The following GNG7 variants were observed in gnomAD, a reference collection of about 807,000 sequenced individuals.
GNG7 encodes G protein subunit gamma 7.
In GNG7, 1 loss-of-function variant was observed where a neutral mutation model predicts 4.0. That is an observed-to-expected ratio of 0.25 (90% CI 0.09 to 1.18). The LOEUF (loss-of-function observed/expected upper bound fraction) is 1.18, where lower values mean the gene tolerates loss of function less well. Among genes scored for constraint, GNG7 ranks in the 50% most tolerant of loss-of-function variants. The pLI is 0.50. For synonymous variants in GNG7, 34 were observed against 36.9 expected (o/e 0.92, Z 0.29); for missense variants, 86 against 91.9 (o/e 0.94, Z 0.26).
intron 1 of GNG7, among the ~76,000 whole-genome samples, chr19:2,701,728 C>A (rs1326724402): frequency 2.7e-5 from 4 of 148,912 alleles, no homozygotes; most frequent in African/African-American, 5.0e-5. Context: ...CAGCTCCCTG[C>A]AAACCTCAAC....
chr19:2,574,008 C>T (rs1383721620), intron 2 of GNG7, among the ~76,000 whole-genome samples: 1 of 152,166 alleles, frequency 6.6e-6, no homozygotes, highest in Admixed American at 6.5e-5. Context: ...GGAGTTCTGC[C>T]GCCTCGGGGA....
intron 2 of GNG7, among the ~76,000 whole-genome samples, chr19:2,568,810 A>G (rs1980050028): frequency 7.1e-6 from 1 of 141,826 alleles, no homozygotes; most frequent in Non-Finnish European, 1.5e-5. Flanking sequence ...ACATATATAC[A>G]CACACATATA....
chr19:2,629,045 C>T (rs1456405616), intron 2 of GNG7, among the ~76,000 whole-genome samples: 1 of 152,134 alleles, frequency 6.6e-6, no homozygotes, highest in Non-Finnish European at 1.5e-5. Context: ...GACATGGTGG[C>T]CATTGCTGCT....
At position 2,661,262 on chromosome 19, in the gene GNG7, AAAG is replaced by A. The variant is rs1292884386; in HGVS notation, c.-134-14985_-134-14983del. On this transcript the variant is annotated intron_variant, in intron 1 of 4. Coordinates refer to ENST00000382159, the MANE Select transcript of GNG7 (RefSeq NM_052847.3). Reference sequence around the variant, plus strand: ...AAAGAAAGAAAAGAAAGAAAGAAAGAAAGAAAGAAAAGAAAGAAAGAAAGAAAG... The same window carrying A: ...AAAGAAAGAAAAGAAAGAAAGAAAGAAAAGAAAAGAAAGAAAGAAAGAAAG... Among the ~76,000 whole-genome samples the A allele has an allele frequency of 4.6e-3, 298 of 64,216 alleles. 6 individuals are homozygous for A. The highest frequency in any genetic ancestry group is 0.015 in the African/African-American group (217 of 14,066). 42.1% of individuals were successfully genotyped at this position (64,216 alleles called of 152,430 possible).
At chr19:2,519,855 A>G (rs535312893) in intron 4 of GNG7, among the ~76,000 whole-genome samples, 85 of 152,232 alleles carry the variant, frequency 5.6e-4, no homozygotes, top group African/African-American at 2.0e-3. Context: ...AAATCTCGAC[A>G]AGGCGCAGCC....
At chr19:2,523,783 G>T (rs4806862) in intron 3 of GNG7, among the ~76,000 whole-genome samples, 48,602 of 151,882 alleles carry the variant, frequency 0.32, 8,129 homozygotes, top group East Asian at 0.46. Flanking sequence ...TACATTCTTT[G>T]TTAGCACTGG....
At chr19:2,671,823 G>A (rs186983530) in intron 1 of GNG7, among the ~76,000 whole-genome samples, 51 of 151,488 alleles carry the variant, frequency 3.4e-4, no homozygotes, top group Admixed American at 2.8e-3. Flanking sequence ...AGGCCGAGGC[G>A]GGTGGATCAC....
intron 3 of GNG7, among the ~76,000 whole-genome samples, chr19:2,525,636 C>A (rs79088441): frequency 2.6e-5 from 4 of 152,102 alleles, no homozygotes; most frequent in Non-Finnish European, 4.4e-5. Flanking sequence ...CTGGCAGCAC[C>A]GGCAGGGAGG....
At chr19:2,543,208 C>T (rs977780746) in intron 3 of GNG7, among the ~76,000 whole-genome samples, 4 of 145,948 alleles carry the variant, frequency 2.7e-5, no homozygotes, top group Non-Finnish European at 4.5e-5. Flanking sequence ...TATGAGACGC[C>T]GTGCCTGGCC....
chr19:2,655,294 C>T (rs74493858), intron 1 of GNG7, among the ~76,000 whole-genome samples: 5,914 of 151,614 alleles, frequency 0.039, 210 homozygotes, highest in African/African-American at 0.089. Context: ...AATAAAGACA[C>T]GCAGGCAGCC....
At chr19:2,648,828 T>TAAGG (rs765449263) in intron 1 of GNG7, among the ~76,000 whole-genome samples, 16 of 150,574 alleles carry the variant, frequency 1.1e-4, no homozygotes, top group Non-Finnish European at 1.9e-4. Flanking sequence ...GCCCTCCACC[T>TAAGG]TGCAGGGCAG....
intron 2 of GNG7, among the ~76,000 whole-genome samples, chr19:2,627,552 T>C (rs1000171607): frequency 2.0e-4 from 30 of 152,208 alleles, no homozygotes; most frequent in Non-Finnish European, 1.5e-5. Context: ...CAGACCTGGC[T>C]TTCTGTCACT....
chr19:2,538,460 CAA>C (rs397859757), intron 3 of GNG7: 10,013 of 177,202 alleles, frequency 0.057, no homozygotes, highest in South Asian at 0.1. Flanking sequence ...CCCGTCTCTG[CAA>C]AAAAAAAAAA....
At chr19:2,551,334 A>C (rs1008501478) in intron 3 of GNG7, among the ~76,000 whole-genome samples, 1 of 152,154 alleles carries the variant, frequency 6.6e-6, no homozygotes, top group African/African-American at 2.4e-5. Flanking sequence ...CCACGGGCAC[A>C]TGCGACCCCT....
intron 2 of GNG7, among the ~76,000 whole-genome samples, chr19:2,594,330 A>T (rs1455068322): frequency 6.6e-6 from 1 of 151,620 alleles, no homozygotes; most frequent in African/African-American, 2.4e-5. Flanking sequence ...CCGAGATATC[A>T]CACCACTGCA....
intron 3 of GNG7, among the ~76,000 whole-genome samples, chr19:2,543,947 G>A (rs1442917466): frequency 6.6e-6 from 1 of 152,124 alleles, no homozygotes; most frequent in African/African-American, 2.4e-5. Flanking sequence ...AGCTCGCAGA[G>A]CTCCTGGACT....
intron 1 of GNG7, among the ~76,000 whole-genome samples, chr19:2,673,476 T>C (rs1485641935): frequency 2.0e-5 from 3 of 151,054 alleles, no homozygotes; most frequent in Non-Finnish European, 4.4e-5. Context: ...GCGGCTCACC[T>C]GAGGTCAGGA....
At chr19:2,654,033 A>T (rs1599443936) in intron 1 of GNG7, among the ~76,000 whole-genome samples, 1 of 151,026 alleles carries the variant, frequency 6.6e-6, no homozygotes, top group Non-Finnish European at 1.5e-5. Context: ...TCCCATTCAG[A>T]CCCTCGCTGT....
chr19:2,640,293 G>A (rs1382540167), intron 2 of GNG7, among the ~76,000 whole-genome samples: 1 of 151,996 alleles, frequency 6.6e-6, no homozygotes, highest in Non-Finnish European at 1.5e-5. Flanking sequence ...AAGACATCAA[G>A]AAAAAGAGAG....
Sources: allele counts gnomAD v4.1 joint callset (sites outside exome capture counted in the v4.1 genomes callset), GRCh38; gene constraint gnomAD v4.1.1; transcripts MANE v1.5; gene names NCBI Gene and HGNC (gene_info 2026-07-23, HGNC 2026-07-21).